Variants in AXIN1 observed in about 807,000 individuals in gnomAD.
The protein encoded by AXIN1 is axin 1, also known as axin-1.
In AXIN1, 30 loss-of-function variants were observed where a neutral mutation model predicts 76.4. The ratio of observed to expected loss-of-function variants is 0.39; its 90% confidence interval spans 0.29 to 0.53. The LOEUF (loss-of-function observed/expected upper bound fraction) is 0.53. AXIN1 is among the 20% of genes least tolerant of loss of function. The pLI is 0.66. For missense variants in AXIN1, 1,140 were observed against 1,198.8 expected (o/e 0.95, Z 0.72); for synonymous variants, 545 against 501.4 (o/e 1.09, Z -1.16).
chr16:289,784 C>T (rs1391382247), intron 9 of AXIN1, 177 bp from the exon 10 acceptor site: 15 of 769,622 alleles, frequency 1.9e-5, no homozygotes, highest in African/African-American at 3.5e-5. Flanking sequence ...GGATCTAGTC[C>T]GCTAGCAGTG....
chr16:324,614 C>T (rs1285582087), intron 2 of AXIN1, among the ~76,000 whole-genome samples: 3 of 152,252 alleles, frequency 2.0e-5, no homozygotes, highest in Admixed American at 6.5e-5. Flanking sequence ...CAAGACCACA[C>T]GCCGCACGTC....
At chr16:331,700 G>A (rs960494471) in intron 2 of AXIN1, among the ~76,000 whole-genome samples, 6 of 152,164 alleles carry the variant, frequency 3.9e-5, no homozygotes, top group Non-Finnish European at 5.9e-5. Flanking sequence ...GTTCACCATG[G>A]AAATGCTTTA....
intron 2 of AXIN1, among the ~76,000 whole-genome samples, chr16:321,662 G>A (rs2053460161): frequency 6.6e-6 from 1 of 151,052 alleles, no homozygotes; most frequent in Non-Finnish European, 1.5e-5. Flanking sequence ...AACCCACGAA[G>A]GGTTAAACCC....
chr16:290,382 C>T (rs1182051560), intron 9 of AXIN1: 2 of 155,654 alleles, frequency 1.3e-5, no homozygotes, highest in East Asian at 1.9e-4. Flanking sequence ...CACCAGGCCC[C>T]CAGCCACGTG....
At chr16:289,839 T>A in intron 9 of AXIN1, 1 of 607,696 alleles carries the variant, frequency 1.6e-6, no homozygotes, top group Non-Finnish European at 2.9e-6. Context: ...CCCTGCTGCC[T>A]CACAGCCCCA....
chr16:304,516 C>T (rs1004519333), intron 4 of AXIN1, 75 bp from the exon 5 acceptor site: 20 of 1,596,926 alleles, frequency 1.3e-5, no homozygotes, highest in Non-Finnish European at 1.3e-5. Context: ...AGGGAAAGAG[C>T]GTGTGCTATC....
Position 346,193 on chromosome 16 carries a change from G to C in AXIN1, c.833C>G (p.Pro278Arg), listed in dbSNP as rs147515329. The C allele has an allele frequency of 5.0e-6, 8 of 1,613,946 alleles. No individual in the cohort carries two copies. The highest frequency in any genetic ancestry group is 6.8e-6 in the Non-Finnish European group (8 of 1,180,034). ...GTACCGTCTACTGGAGGAGACCCTC[G>C]GGGCAGCTGTCTCCAGGAGCAGCTT... ...PQKLLLETAAPRVSSSRRYSE... is the reference protein window; with the variant it reads ...PQKLLLETAARRVSSSRRYSE... Residue 278 changes from proline to arginine, a missense_variant, in exon 2 of 11, where the codon CCG becomes CGG. By Grantham distance (103) the Pro-to-Arg change is moderately radical. Around this residue, in one of 3 missense-constraint regions of AXIN1, gnomAD observed 708 missense variants for 776.9 expected, o/e 0.91. Transcript: ENST00000262320.
At chr16:330,410 T>C (rs1396482789) in intron 2 of AXIN1, among the ~76,000 whole-genome samples, 1 of 152,188 alleles carries the variant, frequency 6.6e-6, no homozygotes, top group East Asian at 1.9e-4. Flanking sequence ...GTCTTTGCAT[T>C]GACTGAAAAC....
chr16:329,499 G>A (rs1284756307), intron 2 of AXIN1, among the ~76,000 whole-genome samples: 2 of 152,078 alleles, frequency 1.3e-5, no homozygotes, highest in East Asian at 3.9e-4. Context: ...AGGCTGGAGT[G>A]CAATGGCGTG....
At chr16:342,649 T>C (rs2053952751) in intron 2 of AXIN1, among the ~76,000 whole-genome samples, 1 of 152,216 alleles carries the variant, frequency 6.6e-6, no homozygotes, top group Admixed American at 6.5e-5. Context: ...GCACCGTGAC[T>C]GTGCTGAGAC....
intron 1 of AXIN1, among the ~76,000 whole-genome samples, chr16:351,284 G>A (rs926619589): frequency 6.7e-6 from 1 of 149,316 alleles, no homozygotes; most frequent in African/African-American, 2.5e-5. Context: ...AAAAACAAGG[G>A]GCTGACATGC....
chr16:298,546 TGCCCAG>T (rs1567267105), intron 5 of AXIN1, among the ~76,000 whole-genome samples: 1 of 152,234 alleles, frequency 6.6e-6, no homozygotes, highest in East Asian at 1.9e-4. Flanking sequence ...CTTGCTCTGT[TGCCCAG>T]GCTGGAGAAC....
In AXIN1 at chr16:287,834, G is replaced by A. The variant is rs1024008534; in HGVS notation, c.*288C>T. On this transcript the variant is annotated 3_prime_UTR_variant, in exon 11 of 11. Transcript: ENST00000262320. ...AAGGGAGGTGCCGGGGGATGGGGGG[G>A]GGTCACCTGAAGCTGGCAGCAGGGA... 1.3e-4 allele frequency: 69 copies of A among 528,366 alleles called. No individual in the cohort carries two copies. Among genetic ancestry groups the A allele is most frequent in the Non-Finnish European group, 2.1e-4 (60 of 289,800 alleles). 32.7% of individuals were successfully genotyped at this position (528,366 alleles called of 1,614,324 possible). A position where few individuals can be genotyped will look rare whatever the true frequency, so the allele number is the denominator to read the frequency against.
chr16:315,908 C>G (rs796371004), intron 2 of AXIN1, among the ~76,000 whole-genome samples: 9 of 150,320 alleles, frequency 6.0e-5, no homozygotes, highest in African/African-American at 2.0e-4. Context: ...CAAAAATTAG[C>G]TAGGTGTGGT....
intron 2 of AXIN1, among the ~76,000 whole-genome samples, chr16:326,397 A>C (rs1158530522): frequency 3.5e-5 from 5 of 143,156 alleles, no homozygotes; most frequent in Non-Finnish European, 6.0e-5. Flanking sequence ...ATATATATAC[A>C]CACCTATAGA....
chr16:346,098 C>T, intron 2 of AXIN1, 50 bp downstream of exon 2: 1 of 1,586,494 alleles, frequency 6.3e-7, no homozygotes, highest in Middle Eastern at 1.7e-4. Flanking sequence ...GGCTTGTTCT[C>T]CAGCTCTCGG....
At chr16:351,671 C>CTGAG (rs1189706301) in intron 1 of AXIN1, among the ~76,000 whole-genome samples, 1 of 151,962 alleles carries the variant, frequency 6.6e-6, no homozygotes, top group Non-Finnish European at 1.5e-5. Flanking sequence ...CCTTGGAAGG[C>CTGAG]TGAGGCAGGT....
At chr16:330,349 C>T (rs960947084) in intron 2 of AXIN1, among the ~76,000 whole-genome samples, 4 of 152,198 alleles carry the variant, frequency 2.6e-5, no homozygotes, top group African/African-American at 4.8e-5. Flanking sequence ...CAGATGTGAG[C>T]CACTGTGCCC....
chr16:300,212 G>A (rs868727544), intron 5 of AXIN1, among the ~76,000 whole-genome samples: 11 of 152,124 alleles, frequency 7.2e-5, no homozygotes, highest in Non-Finnish European at 1.3e-4. Context: ...AAAGTGCTAG[G>A]ATTACAGGTG....
Sources: allele counts gnomAD v4.1 joint callset (sites outside exome capture counted in the v4.1 genomes callset), GRCh38; gene constraint gnomAD v4.1.1; regional missense constraint gnomAD v4.1.1; transcripts MANE v1.5; gene names NCBI Gene and HGNC (gene_info 2026-07-23, HGNC 2026-07-21).